Variants in INSL6 observed in about 807,000 individuals in gnomAD.
The protein encoded by INSL6 is insulin like 6, also known as insulin-like peptide INSL6.
INSL6 carries 16 observed loss-of-function variants against 9.4 expected under a neutral mutation model. That is an observed-to-expected ratio of 1.70 (90% CI 1.15 to 2.59). The LOEUF (loss-of-function observed/expected upper bound fraction) is 2.59. Ranked by LOEUF, INSL6 falls within the 30% of genes most tolerant of loss-of-function variation. INSL6 has a pLI of 0.00. For synonymous variants in INSL6, 154 were observed against 96.9 expected (o/e 1.59, Z -3.46); for missense variants, 391 against 257.3 (o/e 1.52, Z -3.56).
chr9:5,049,938 CA>C, the INSL6 span, among the ~76,000 whole-genome samples: 1 of 152,040 alleles, frequency 6.6e-6, no homozygotes, highest in Admixed American at 6.6e-5. Context: ...AAAAAAGATA[CA>C]GTAAAAATGC....
At chr9:5,177,500 C>G (rs999703849) in intron 1 of INSL6, among the ~76,000 whole-genome samples, 1 of 152,200 alleles carries the variant, frequency 6.6e-6, no homozygotes, top group African/African-American at 2.4e-5. Flanking sequence ...AGCAAACGCT[C>G]AGGCACACAA....
At chr9:5,002,632 T>A in the INSL6 span, among the ~76,000 whole-genome samples, 2 of 151,970 alleles carry the variant, frequency 1.3e-5, no homozygotes, top group African/African-American at 4.8e-5. Flanking sequence ...TCTGTAAATG[T>A]CAGTTATATT....
chr9:5,121,409 G>C (rs749700839), downstream of INSL6, among the ~76,000 whole-genome samples: 10 of 152,118 alleles, frequency 6.6e-5, no homozygotes, highest in Non-Finnish European at 1.0e-4. Flanking sequence ...AAATTCACTT[G>C]GTAATTGGAG....
chr9:5,077,924 T>G, the INSL6 span, among the ~76,000 whole-genome samples: 1 of 152,148 alleles, frequency 6.6e-6, no homozygotes, highest in Admixed American at 6.5e-5. Flanking sequence ...GAAAGCGGTG[T>G]TGACAGAGAA....
the INSL6 span, among the ~76,000 whole-genome samples, chr9:5,082,349 A>G: frequency 6.6e-6 from 1 of 152,234 alleles, no homozygotes; most frequent in African/African-American, 2.4e-5. Context: ...CTATGCCTGG[A>G]TGTGCACATA....
chr9:5,118,140 G>A, the INSL6 span, among the ~76,000 whole-genome samples: 16 of 152,154 alleles, frequency 1.1e-4, no homozygotes, highest in African/African-American at 1.9e-4. Flanking sequence ...CAGCCTGGGC[G>A]ACAGAGCGAG....
At chr9:5,176,605 G>A (rs1008749356) in intron 1 of INSL6, among the ~76,000 whole-genome samples, 5 of 151,596 alleles carry the variant, frequency 3.3e-5, no homozygotes, top group African/African-American at 1.2e-4. Flanking sequence ...AAATCTCTTA[G>A]CAAGCTTCCT....
chr9:5,044,469 T>A, the INSL6 span: 6 of 1,612,812 alleles, frequency 3.7e-6, no homozygotes, highest in Non-Finnish European at 5.1e-6. Context: ...TATCTCGAGG[T>A]GCTGAAGCTC....
the INSL6 span, chr9:5,094,400 C>G: frequency 6.6e-6 from 1 of 152,148 alleles, no homozygotes; most frequent in East Asian, 1.9e-4. Context: ...CTAGCCACAT[C>G]AAGCCTAGCA....
chr9:5,041,157 T>C, the INSL6 span: 3 of 1,176,272 alleles, frequency 2.6e-6, no homozygotes, highest in Non-Finnish European at 1.2e-6. Context: ...ATCACGCGCA[T>C]GGATTATGTG....
chr9:5,162,262 T>C (rs1368308488), downstream of INSL6, among the ~76,000 whole-genome samples: 1 of 152,122 alleles, frequency 6.6e-6, no homozygotes, highest in Non-Finnish European at 1.5e-5. Flanking sequence ...AAGGAGTCTA[T>C]AAATGTGACT....
At chr9:5,141,970 G>T (rs931137732) in intron 2 of INSL6, among the ~76,000 whole-genome samples, 8 of 151,828 alleles carry the variant, frequency 5.3e-5, no homozygotes, top group Admixed American at 3.9e-4. Context: ...TATTGAATAG[G>T]TAATCCTTTA....
the INSL6 span, chr9:5,044,380 C>G: frequency 5.4e-6 from 8 of 1,471,994 alleles, no homozygotes; most frequent in Non-Finnish European, 7.6e-6. Context: ...GGAAGCTGAC[C>G]AAATGTTTTT....
chr9:5,120,116 A>G (rs1323409490), downstream of INSL6, among the ~76,000 whole-genome samples: 3 of 152,248 alleles, frequency 2.0e-5, no homozygotes, highest in Admixed American at 6.5e-5. Context: ...GCGTCTGGTG[A>G]GAGCTGCTCT....
the INSL6 span, among the ~76,000 whole-genome samples, chr9:5,022,565 A>G: frequency 5.9e-5 from 9 of 152,382 alleles, no homozygotes; most frequent in South Asian, 2.1e-4. Flanking sequence ...ATGTTTTGAA[A>G]TATGTATTTG....
chr9:5,142,469 T>A (rs922346144), intron 2 of INSL6, among the ~76,000 whole-genome samples: 3 of 152,130 alleles, frequency 2.0e-5, no homozygotes, highest in African/African-American at 7.2e-5. Flanking sequence ...TAACTGTGAA[T>A]GGGAGTTTGT....
the INSL6 span, among the ~76,000 whole-genome samples, chr9:5,027,744 C>G: frequency 6.6e-6 from 1 of 152,230 alleles, no homozygotes; most frequent in South Asian, 2.1e-4. Context: ...ATATTCACAG[C>G]ATCTTCACCA....
At chr9:5,069,052 T>C in the INSL6 span, 1 of 1,601,024 alleles carries the variant, frequency 6.2e-7, no homozygotes, top group South Asian at 1.1e-5. Flanking sequence ...TAAACACTGT[T>C]TGATTACAAA....
the INSL6 span, chr9:5,073,680 A>G: frequency 6.5e-7 from 1 of 1,530,968 alleles, no homozygotes; most frequent in Non-Finnish European, 9.0e-7. Context: ...AATTCTTTGT[A>G]CTTTTTTTTT....
Sources: allele counts gnomAD v4.1 joint callset (sites outside exome capture counted in the v4.1 genomes callset), GRCh38; gene constraint gnomAD v4.1.1; transcripts MANE v1.5; gene names NCBI Gene and HGNC (gene_info 2026-07-23, HGNC 2026-07-21).